Variants in PDE11A observed in about 807,000 individuals in gnomAD.
PDE11A encodes dual 3',5'-cyclic-AMP and -GMP phosphodiesterase 11A.
Under a neutral mutation model 100.5 loss-of-function variants are expected in PDE11A, and 100 were observed. The ratio of observed to expected loss-of-function variants is 1.00; its 90% CI spans 0.85 to 1.18. The LOEUF is 1.18. Among genes scored for constraint, PDE11A ranks in the 50% most tolerant of loss-of-function variants. The pLI, the probability that PDE11A is intolerant of heterozygous loss-of-function variation, is 0.00. For synonymous variants in PDE11A, 381 were observed against 420.8 expected (o/e 0.91, Z 1.16); for missense variants, 1,141 against 1,152.6 (o/e 0.99, Z 0.15).
chr2:177,944,803 G>GCTCTCCCTCGCCCTCTCC (rs2085384944), intron 2 of PDE11A, among the ~76,000 whole-genome samples: 1 of 101,776 alleles, frequency 9.8e-6, no homozygotes, highest in Admixed American at 1.3e-4. Flanking sequence ...AGATGCGAGC[G>GCTCTCCCTCGCCCTCTCC]CTCTCCCTCT....
chr2:177,750,424 T>C (rs559567845), intron 10 of PDE11A, among the ~76,000 whole-genome samples: 2 of 152,386 alleles, frequency 1.3e-5, no homozygotes, highest in East Asian at 3.8e-4. Flanking sequence ...AGCATAATAA[T>C]TAAAGGCTCA....
At chr2:177,661,449 C>A (rs2080484387) in intron 19 of PDE11A, among the ~76,000 whole-genome samples, 1 of 152,140 alleles carries the variant, frequency 6.6e-6, no homozygotes, top group Non-Finnish European at 1.5e-5. Flanking sequence ...AATGGTGATT[C>A]CTGCCCACTG....
chr2:177,843,649 G>C (rs547143953), intron 5 of PDE11A, among the ~76,000 whole-genome samples: 7 of 152,326 alleles, frequency 4.6e-5, no homozygotes, highest in African/African-American at 1.7e-4. Flanking sequence ...TCAGTGAACA[G>C]TGTAGAAGGA....
At chr2:177,947,918 A>T (rs964068212) in intron 2 of PDE11A, among the ~76,000 whole-genome samples, 1 of 152,114 alleles carries the variant, frequency 6.6e-6, no homozygotes, top group Non-Finnish European at 1.5e-5. Context: ...CCCACCCTTC[A>T]GCGATAGCCC....
chr2:177,804,474 G>A (rs762396760), intron 9 of PDE11A, among the ~76,000 whole-genome samples: 22 of 151,930 alleles, frequency 1.4e-4, no homozygotes, highest in Admixed American at 3.3e-4. Context: ...CTTATATGCT[G>A]TTGATAGGAA....
At chr2:177,898,780 A>C (rs576661264) in intron 3 of PDE11A, among the ~76,000 whole-genome samples, 4 of 152,356 alleles carry the variant, frequency 2.6e-5, no homozygotes, top group African/African-American at 9.6e-5. Context: ...GCTATGAAGA[A>C]AACAAGCTGT....
intron 1 of PDE11A, among the ~76,000 whole-genome samples, chr2:178,066,766 C>A (rs1400491784): frequency 6.6e-6 from 1 of 152,214 alleles, no homozygotes; most frequent in South Asian, 2.1e-4. Context: ...GCACCTCAGG[C>A]AGGCAATTCA....
At chr2:177,816,779 A>G in intron 9 of PDE11A, 50 bp downstream of exon 9, 5 of 1,073,470 alleles carry the variant, frequency 4.7e-6, no homozygotes, top group Non-Finnish European at 7.3e-6. Context: ...TTTTTCCCTC[A>G]TAAAATTAGA....
chr2:178,091,286 A>T (rs537456892), intron 2 of PDE11A, among the ~76,000 whole-genome samples: 11 of 152,038 alleles, frequency 7.2e-5, no homozygotes, highest in Non-Finnish European at 1.2e-4. Context: ...GACCAGGCTG[A>T]TCTCCAATTC....
intron 4 of PDE11A, among the ~76,000 whole-genome samples, chr2:177,889,278 T>C (rs530929308): frequency 6.6e-6 from 1 of 152,330 alleles, no homozygotes; most frequent in East Asian, 1.9e-4. Context: ...AACATCAGAA[T>C]GAATTTTCCT....
chr2:177,932,087 C>T (rs1384679326), intron 2 of PDE11A, among the ~76,000 whole-genome samples: 2 of 152,008 alleles, frequency 1.3e-5, no homozygotes, highest in African/African-American at 4.8e-5. Flanking sequence ...TTCTTGGAAA[C>T]ACACAATCTC....
intron 5 of PDE11A, among the ~76,000 whole-genome samples, chr2:177,850,004 T>A (rs1276094486): frequency 6.6e-6 from 1 of 152,162 alleles, no homozygotes. Context: ...AAGCTACCAT[T>A]GACTTTCTTC....
chr2:177,660,085 TTCTTTCTTTCTTTCTCTCTCTCTC>T lies in PDE11A; in HGVS notation c.2646+3757_2646+3780del, dbSNP rs1368231542. On this transcript the variant is annotated intron_variant, in intron 19 of 19. Transcript: ENST00000286063. ...TTTCTTTCTTTCTTTCTTTCTTTCT[TTCTTTCTTTCTTTCTCTCTCTCTC>T]TCTTTCTTTCTTTCTTTCTTTCATT... Among the ~76,000 whole-genome samples, 16 of 36,990 alleles carry T rather than the reference TTCTTTCTTTCTTTCTCTCTCTCTC, an allele frequency of 4.3e-4. 1 individual carries two copies. The highest frequency in any genetic ancestry group is 1.1e-3 in the African/African-American group (13 of 11,392). 24.3% of individuals were successfully genotyped at this position (36,990 alleles called of 152,430 possible).
chr2:177,726,233 T>C (rs934863970), intron 12 of PDE11A, among the ~76,000 whole-genome samples: 3 of 152,126 alleles, frequency 2.0e-5, no homozygotes, highest in Non-Finnish European at 4.4e-5. Flanking sequence ...AGTCTGCCTG[T>C]TTATTAAGCA....
intron 10 of PDE11A, among the ~76,000 whole-genome samples, chr2:177,749,174 T>G (rs1035670465): frequency 3.3e-5 from 5 of 150,402 alleles, no homozygotes; most frequent in Non-Finnish European, 5.9e-5. Flanking sequence ...TACCATTATT[T>G]TTGCTGGAAA....
chr2:177,792,952 A>G (rs1574147924), intron 9 of PDE11A, among the ~76,000 whole-genome samples: 1 of 152,326 alleles, frequency 6.6e-6, no homozygotes, highest in Admixed American at 6.5e-5. Context: ...AGGTGGGAAG[A>G]ATGGCAGGGA....
chr2:177,750,114 T>C (rs2082006356), intron 10 of PDE11A, among the ~76,000 whole-genome samples: 1 of 152,192 alleles, frequency 6.6e-6, no homozygotes, highest in African/African-American at 2.4e-5. Flanking sequence ...CTGCACATAC[T>C]CAAGCTCAAT....
At chr2:177,910,116 T>C (rs751949309) in intron 2 of PDE11A, among the ~76,000 whole-genome samples, 5 of 152,218 alleles carry the variant, frequency 3.3e-5, no homozygotes, top group Admixed American at 2.0e-4. Context: ...ATATTATACC[T>C]TCATGACTCA....
At chr2:177,952,081 TA>T (rs35897066) in intron 2 of PDE11A, among the ~76,000 whole-genome samples, 9,538 of 152,226 alleles carry the variant, frequency 0.063, 310 homozygotes, top group South Asian at 0.093. Flanking sequence ...TCTCACTACC[TA>T]AACTTCCTCA....
Sources: gnomAD v4.1 joint callset for allele counts (sites outside exome capture counted in the v4.1 genomes callset) on GRCh38, gnomAD v4.1.1 for gene constraint, MANE v1.5 for transcripts, NCBI Gene and HGNC (gene_info 2026-07-23, HGNC 2026-07-21) for gene names.